Variants in GABRA3 observed in about 807,000 individuals in gnomAD.
The protein encoded by GABRA3 is gamma-aminobutyric acid receptor subunit alpha-3.
A neutral mutation model predicts 30.1 loss-of-function variants in GABRA3; 10 were observed. That is an observed-to-expected ratio of 0.33 (90% CI 0.20 to 0.56). The LOEUF is 0.56. GABRA3 is among the 20% of genes least tolerant of loss of function. GABRA3 has a pLI of 0.89. For synonymous variants in GABRA3, 151 were observed against 146.8 expected (o/e 1.03, Z -0.21); for missense variants, 233 against 392.0 (o/e 0.59, Z 3.42).
chrX:152,406,887 C>T (rs1413624676), intron 1 of GABRA3, among the ~76,000 whole-genome samples: 1 of 111,664 alleles, frequency 9.0e-6, no homozygotes, highest in African/African-American at 3.2e-5. Flanking sequence ...AAAAAAATTA[C>T]ATAAGCTATC....
intron 5 of GABRA3, among the ~76,000 whole-genome samples, chrX:152,252,186 C>T (rs756369477): frequency 9.0e-6 from 1 of 111,347 alleles, no homozygotes; most frequent in Admixed American, 9.6e-5. Context: ...TTTCTATGTG[C>T]ACTATCTCCC....
intron 1 of GABRA3, among the ~76,000 whole-genome samples, chrX:152,395,425 CAGAGAATCAATTAGT>C (rs1929633830): frequency 1.8e-5 from 2 of 111,413 alleles, no homozygotes; most frequent in African/African-American, 6.5e-5. Context: ...GATGTATACA[CAGAGAATCAATTAGT>C]ATACACATAA....
At chrX:152,398,460 G>A (rs1160078156) in intron 1 of GABRA3, among the ~76,000 whole-genome samples, 1 of 111,065 alleles carries the variant, frequency 9.0e-6, no homozygotes, top group Non-Finnish European at 1.9e-5. Context: ...ATGAGAGGGA[G>A]GACAGTGTTG....
At chrX:152,187,221 T>C (rs1937267721) in intron 9 of GABRA3, 1 of 111,681 alleles carries the variant, frequency 9.0e-6, no homozygotes, top group South Asian at 3.7e-4. Flanking sequence ...TGGTGAAACT[T>C]AACAGCTTTT....
chrX:152,276,621 C>T (rs1021509106), intron 4 of GABRA3, among the ~76,000 whole-genome samples: 1 of 111,659 alleles, frequency 9.0e-6, no homozygotes, highest in African/African-American at 3.3e-5. Context: ...CCCAAATGCA[C>T]ATTAACAAGA....
rs1292636783 is a variant in GABRA3, at chrX:152,189,795, T to C, written c.1078A>G (p.Asn360Asp). ...GCCCAACTCCGCTTGGTGAAATAGT[T>C]GACAGTGGCAAATTCAATCAGTGCA... ...FSALIEFATV[N>D]YFTKRSWAWE... The change falls in exon 9 of 10, where the codon AAC (asparagine) becomes GAC (aspartate). Residue 360 changes from asparagine to aspartate, a missense_variant. This residue lies in a region of GABRA3 where 20 missense variants were observed against 84.3 expected (regional missense o/e 0.24). Transcript: ENST00000370314. 1 of 1,210,603 alleles carries C rather than the reference T, an allele frequency of 8.3e-7. No individual in the cohort carries two copies.
intron 2 of GABRA3, among the ~76,000 whole-genome samples, chrX:152,357,238 G>C (rs1387702326): frequency 9.0e-6 from 1 of 111,563 alleles, no homozygotes; most frequent in Non-Finnish European, 1.9e-5. Context: ...TAGGTGTGCA[G>C]CATTATTTCT....
chrX:152,192,324 G>T (rs1047158738), intron 8 of GABRA3, among the ~76,000 whole-genome samples: 1 of 111,594 alleles, frequency 9.0e-6, no homozygotes, highest in African/African-American at 3.3e-5. Context: ...TTCTGAAAAG[G>T]CTTAGGTAGA....
chrX:152,172,951 T>TAC (rs58184376), intron 9 of GABRA3, among the ~76,000 whole-genome samples: 2,456 of 102,535 alleles, frequency 0.024, 74 homozygotes, highest in East Asian at 0.15. Context: ...CGAGTATGTG[T>TAC]ACACACACAC....
At chrX:152,250,526 T>C (rs1157096049) in intron 5 of GABRA3, 1 of 111,644 alleles carries the variant, frequency 9.0e-6, no homozygotes, top group Non-Finnish European at 1.9e-5. Flanking sequence ...CATATACAAA[T>C]AATATGACAT....
At chrX:152,258,397 G>T (rs1022831354) in intron 4 of GABRA3, among the ~76,000 whole-genome samples, 1 of 111,271 alleles carries the variant, frequency 9.0e-6, no homozygotes, top group African/African-American at 3.3e-5. Context: ...ATAACTGATA[G>T]GAAATATGAA....
At chrX:152,227,360 C>T (rs1460812559) in intron 5 of GABRA3, among the ~76,000 whole-genome samples, 1 of 73,666 alleles carries the variant, frequency 1.4e-5, no homozygotes, top group Non-Finnish European at 2.4e-5. Flanking sequence ...GGAAGGGGAA[C>T]ATCACACTCT....
intron 5 of GABRA3, among the ~76,000 whole-genome samples, chrX:152,229,919 C>G (rs1487833821): frequency 9.1e-6 from 1 of 109,303 alleles, no homozygotes; most frequent in Non-Finnish European, 1.9e-5. Context: ...TCTCAAAAAT[C>G]TAGGAATAGA....
chrX:152,220,426 G>C (rs775028440), intron 6 of GABRA3, among the ~76,000 whole-genome samples: 1 of 111,543 alleles, frequency 9.0e-6, no homozygotes, highest in African/African-American at 3.2e-5. Context: ...ATTTCATTGC[G>C]TGACTATGCT....
intron 1 of GABRA3, among the ~76,000 whole-genome samples, chrX:152,416,545 A>G (rs1182891614): frequency 6.3e-5 from 7 of 110,590 alleles, no homozygotes; most frequent in Non-Finnish European, 1.3e-4. Flanking sequence ...ATGGAACCAA[A>G]AAAGAGCCCG....
chrX:152,324,668 A>C (rs1485724192), intron 3 of GABRA3, among the ~76,000 whole-genome samples: 2 of 112,082 alleles, frequency 1.8e-5, no homozygotes, highest in Non-Finnish European at 3.8e-5. Context: ...AAAAATAAAG[A>C]CATAGAAGAC....
rs896588208 is a variant in GABRA3 at position 152,199,179 on chromosome X, A to G, written c.779-1394T>C. On this transcript the variant is annotated intron_variant, in intron 7 of 9. Transcript: ENST00000370314. ...CAGGAGATCGAGACCATCCTGGCTA[A>G]CATGGTGAAACCCCATCTCTACTAA... is the stretch of plus-strand genomic sequence containing the variant. Among the ~76,000 whole-genome samples, 7 of 109,926 alleles carry G rather than the reference A, an allele frequency of 6.4e-5. No homozygotes were observed. In the East Asian group the frequency reaches 1.7e-3, roughly 27 times the overall value.
chrX:152,392,572 G>A (rs893938911), intron 1 of GABRA3, among the ~76,000 whole-genome samples: 8 of 111,688 alleles, frequency 7.2e-5, no homozygotes, highest in African/African-American at 2.6e-4. Flanking sequence ...GACATCTTAT[G>A]AGAAAATAAT....
At chrX:152,366,807 A>G (rs1490380792) in intron 1 of GABRA3, among the ~76,000 whole-genome samples, 2 of 111,575 alleles carry the variant, frequency 1.8e-5, no homozygotes, top group East Asian at 5.7e-4. Context: ...TATCATAGCA[A>G]CCATACTATA....
Sources: allele counts gnomAD v4.1 joint callset (sites outside exome capture counted in the v4.1 genomes callset), GRCh38; gene constraint gnomAD v4.1.1; regional missense constraint gnomAD v4.1.1; transcripts MANE v1.5; gene names NCBI Gene and HGNC (gene_info 2026-07-23, HGNC 2026-07-21).